Variants in CFAP70 observed in about 807,000 individuals in gnomAD.
The protein encoded by CFAP70 is cilia- and flagella-associated protein 70.
Under a neutral mutation model 137.6 loss-of-function variants are expected in CFAP70, and 81 were observed. The observed-to-expected ratio is 0.59, with a 90% CI of 0.49 to 0.71. The LOEUF is 0.71. CFAP70 is among the 30% of genes least tolerant of loss of function. CFAP70 has a pLI of 0.00. For synonymous variants in CFAP70, 382 were observed against 423.6 expected, an observed-to-expected ratio of 0.90 and a Z score of 1.20; for missense variants, 976 against 1,226.7, an observed-to-expected ratio of 0.80 and a Z score of 3.05.
chr10:73,304,459 C>G (rs1018798330), intron 12 of CFAP70, among the ~76,000 whole-genome samples: 1 of 152,118 alleles, frequency 6.6e-6, no homozygotes, highest in Admixed American at 6.6e-5. Context: ...CCATTATAAG[C>G]AGGTAATTCT....
At chr10:73,295,872 C>G (rs963491800) in intron 15 of CFAP70, 1 of 152,228 alleles carries the variant, frequency 6.6e-6, no homozygotes, top group Non-Finnish European at 1.5e-5. Context: ...AATCTCATCT[C>G]TAGCTCAGAT....
chr10:73,255,222 C>T (rs1310442227), intron 26 of CFAP70, among the ~76,000 whole-genome samples: 1 of 152,100 alleles, frequency 6.6e-6, no homozygotes, highest in African/African-American at 2.4e-5. Context: ...CACGGTGATA[C>T]CCTATCTACT....
upstream of CFAP70, chr10:73,358,786 A>G (rs539419772): frequency 1.3e-4 from 20 of 152,490 alleles, no homozygotes; most frequent in African/African-American, 4.8e-4. Context: ...ACTTTTGGCC[A>G]TCGCACGAGC....
intron 7 of CFAP70, among the ~76,000 whole-genome samples, chr10:73,334,224 T>A (rs1378813514): frequency 1.3e-5 from 2 of 152,202 alleles, no homozygotes; most frequent in African/African-American, 4.8e-5. Flanking sequence ...TGTTCTTTAG[T>A]AATTAAATCT....
At chr10:73,269,563 C>A (rs755701491) in intron 25 of CFAP70, 51 bp downstream of exon 26, 3 of 1,349,958 alleles carry the variant, frequency 2.2e-6, no homozygotes, top group Middle Eastern at 1.8e-4. Context: ...TTACTTGACC[C>A]CTCACCTCTG....
intron 25 of CFAP70, among the ~76,000 whole-genome samples, chr10:73,267,655 C>T (rs766849861): frequency 2.0e-5 from 3 of 152,080 alleles, no homozygotes; most frequent in Non-Finnish European, 4.4e-5. Flanking sequence ...GTGTATAACA[C>T]CCATTTATCA....
chr10:73,324,523 C>T (rs1181324141), intron 8 of CFAP70, among the ~76,000 whole-genome samples: 6 of 152,018 alleles, frequency 3.9e-5, no homozygotes, highest in African/African-American at 7.2e-5. Flanking sequence ...AGGCTTCAGA[C>T]GATCAAACTA....
Position 73,277,068 on chromosome 10 carries a change from G to T in CFAP70, c.2520+172C>A, listed in dbSNP as rs1292313634. ...GCAGCGAGGTCTTCTGCTGCCATGT[G>T]CAAAGAGTGGTTCATGTTTGGATGT... On this transcript the variant is annotated intron_variant, in intron 21 of 26. Coordinates refer to ENST00000310715, the Ensembl canonical transcript of CFAP70. The T allele has an allele frequency of 9.8e-6, 7 of 716,796 alleles. No homozygotes were observed. In the Admixed American group the frequency reaches 2.0e-4, roughly 20 times the overall value. 44.4% of individuals were successfully genotyped at this position (716,796 alleles called of 1,614,324 possible). A position where few individuals can be genotyped will look rare whatever the true frequency, so the allele number is the denominator to read the frequency against.
intron 23 of CFAP70, among the ~76,000 whole-genome samples, chr10:73,273,862 T>A (rs1350806176): frequency 6.6e-6 from 1 of 152,194 alleles, no homozygotes; most frequent in African/African-American, 2.4e-5. Flanking sequence ...ATGTTGATAA[T>A]TGTTATAGTG....
At position 73,275,789 on chromosome 10, in the gene CFAP70, C is replaced by G. The variant is rs779324594; in HGVS notation, c.2521-191G>C. ...CATAGTTCCATTACCAGCTATTCACCTAGTCACCAAATGAAGACATTACCA... is the reference window on the plus strand; with the variant it reads ...CATAGTTCCATTACCAGCTATTCACGTAGTCACCAAATGAAGACATTACCA... On this transcript the variant is annotated intron_variant, in intron 21 of 26. Transcript: ENST00000310715. The surrounding 1 kb of genome is among the most constrained non-coding windows in gnomAD (Gnocchi z 4.0). 4.1e-6 allele frequency: 2 copies of G among 483,334 alleles called. No homozygotes were observed. Among genetic ancestry groups the G allele is most frequent in the Non-Finnish European group, 7.0e-6 (2 of 284,520 alleles). The allele number at this position is 483,334 out of a possible 1,614,324, so 29.9% of individuals were successfully genotyped here. A position where few individuals can be genotyped will look rare whatever the true frequency, so the allele number is the denominator to read the frequency against.
At chr10:73,279,271 T>C (rs2047059392) in intron 19 of CFAP70, 1 of 152,032 alleles carries the variant, frequency 6.6e-6, no homozygotes, top group Non-Finnish European at 1.5e-5. Flanking sequence ...ACAGCTGTAA[T>C]CCCAGCACTT....
At chr10:73,311,057 G>A (rs373136682) in intron 11 of CFAP70, among the ~76,000 whole-genome samples, 5 of 152,116 alleles carry the variant, frequency 3.3e-5, no homozygotes, top group African/African-American at 9.7e-5. Context: ...AACCTTTGAT[G>A]TGAATCTCCA....
chr10:73,329,178 A>G (rs2051803686), intron 8 of CFAP70, among the ~76,000 whole-genome samples: 2 of 152,242 alleles, frequency 1.3e-5, no homozygotes, highest in South Asian at 4.1e-4. Flanking sequence ...TGATGAGTTC[A>G]TGTCCTTTGT....
chr10:73,324,344 A>G (rs1175536498), intron 8 of CFAP70, among the ~76,000 whole-genome samples: 1 of 152,238 alleles, frequency 6.6e-6, no homozygotes, highest in Non-Finnish European at 1.5e-5. Context: ...GTACATCACC[A>G]TCGTCAAAGA....
chr10:73,342,565 A>T (rs1348418059), intron 5 of CFAP70, among the ~76,000 whole-genome samples: 2 of 152,064 alleles, frequency 1.3e-5, no homozygotes, highest in East Asian at 1.9e-4. Context: ...AGATAGATAG[A>T]GAGATATATA....
chr10:73,316,087 T>C (rs1564830311), intron 9 of CFAP70, among the ~76,000 whole-genome samples: 1 of 152,150 alleles, frequency 6.6e-6, no homozygotes, highest in Non-Finnish European at 1.5e-5. Flanking sequence ...CTGTCTTCAG[T>C]AATATGTATT....
At chr10:73,286,781 A>G (rs767886225) in intron 19 of CFAP70, among the ~76,000 whole-genome samples, 7 of 152,220 alleles carry the variant, frequency 4.6e-5, no homozygotes, top group Non-Finnish European at 8.8e-5. Flanking sequence ...TATTACCCAC[A>G]TATTTGTTGA....
At chr10:73,297,340 A>G (rs780624162) in intron 14 of CFAP70, among the ~76,000 whole-genome samples, 167 bp from the exon 16 acceptor site, 2 of 152,118 alleles carry the variant, frequency 1.3e-5, no homozygotes, top group African/African-American at 2.4e-5. Flanking sequence ...CCCCCAATCA[A>G]CATACTCTGT....
At chr10:73,337,613 A>G (rs2052798046) in intron 6 of CFAP70, among the ~76,000 whole-genome samples, 1 of 152,126 alleles carries the variant, frequency 6.6e-6, no homozygotes, top group South Asian at 2.1e-4. Context: ...TAAAGAAAAG[A>G]ACTTTTATCT....
Sources: gnomAD v4.1 joint callset for allele counts (sites outside exome capture counted in the v4.1 genomes callset) on GRCh38, gnomAD v4.1.1 for gene constraint, Gnocchi (gnomAD v3.1) non-coding constraint, MANE v1.5 for transcripts, NCBI Gene and HGNC (gene_info 2026-07-23, HGNC 2026-07-21) for gene names.